CYB5R4: variants seen among roughly 807,000 people sequenced by gnomAD.
CYB5R4 encodes cytochrome b5 reductase 4.
A neutral mutation model predicts 70.2 loss-of-function variants in CYB5R4; 55 were observed. The ratio of observed to expected loss-of-function variants is 0.78; its 90% CI spans 0.63 to 0.98. CYB5R4 has a LOEUF of 0.98. Ranked by LOEUF, CYB5R4 falls within the 50% of genes least tolerant of loss-of-function variation. The pLI is 0.00. For synonymous variants in CYB5R4, 197 were observed against 199.5 expected (o/e 0.99, Z 0.11); for missense variants, 562 against 612.6 (o/e 0.92, Z 0.87).
rs374621058 is a variant in CYB5R4 at position 83,921,180 on chromosome 6, G to A, written c.658+5G>A. 1 of 1,480,626 alleles carries A rather than the reference G, an allele frequency of 6.8e-7. No homozygotes were observed. The highest frequency in any genetic ancestry group is 9.1e-7 in the Non-Finnish European group (1 of 1,097,580). 91.7% of individuals were successfully genotyped at this position (1,480,626 alleles called of 1,614,324 possible). ...GTTTATATCTTATACATATTGGTGA[G>A]TACTTTATTATTATTAATGGAAAGA... is the stretch of plus-strand genomic sequence containing the variant. On this transcript the variant is annotated splice_donor_5th_base_variant and intron_variant, in intron 8 of 15. Coordinates refer to ENST00000369681, the MANE Select transcript of CYB5R4 (RefSeq NM_016230.4).
intron 4 of CYB5R4, among the ~76,000 whole-genome samples, chr6:83,909,899 A>C (rs2099464403): frequency 6.6e-6 from 1 of 152,238 alleles, no homozygotes; most frequent in Non-Finnish European, 1.5e-5. Context: ...TGCGTTGCAC[A>C]GGACAGACCC....
In CYB5R4 at chr6:83,938,096, AATAG is replaced by A. The variant is rs3837003; in HGVS notation, c.1108+1724_1108+1727del. Among the ~76,000 whole-genome samples, 44 of 152,364 alleles carry A rather than the reference AATAG, an allele frequency of 2.9e-4. No individual in the cohort carries two copies. In the East Asian group the frequency reaches 6.9e-3, roughly 24 times the overall value. On this transcript the variant is annotated intron_variant, in intron 12 of 15. Transcript: ENST00000369681. ...TCTGCTAATTATGTCTACTTCACAT[AATAG>A]ATATGATTAGTCATCCTTGGTTACG...
At chr6:83,884,307 A>G (rs892544734) in intron 2 of CYB5R4, among the ~76,000 whole-genome samples, 3 of 152,076 alleles carry the variant, frequency 2.0e-5, no homozygotes, top group African/African-American at 2.4e-5. Flanking sequence ...GTATACTTTA[A>G]AAACACAAAT....
intron 4 of CYB5R4, chr6:83,910,245 T>G: frequency 3.9e-6 from 4 of 1,033,502 alleles, no homozygotes; most frequent in Non-Finnish European, 5.6e-6. Context: ...CAGTCAAAGT[T>G]CTTTCTTCTA....
intron 4 of CYB5R4, among the ~76,000 whole-genome samples, 194 bp from the exon 5 acceptor site, chr6:83,914,222 G>A (rs2099465130): frequency 2.0e-5 from 3 of 152,120 alleles, no homozygotes; most frequent in Non-Finnish European, 4.4e-5. Context: ...AATATGGTCT[G>A]GCAGTCTTCA....
At chr6:83,863,312 A>G (rs1306622733) in intron 1 of CYB5R4, among the ~76,000 whole-genome samples, 2 of 152,064 alleles carry the variant, frequency 1.3e-5, no homozygotes, top group Non-Finnish European at 2.9e-5. Context: ...TCTTTGCTCA[A>G]GGGCTGTATA....
At chr6:83,869,809 G>A (rs1358069886) in intron 2 of CYB5R4, among the ~76,000 whole-genome samples, 1 of 151,550 alleles carries the variant, frequency 6.6e-6, no homozygotes, top group Non-Finnish European at 1.5e-5. Context: ...GGCGACAAGG[G>A]CATAACTTCG....
At chr6:83,884,400 A>G (rs1356212067) in intron 2 of CYB5R4, among the ~76,000 whole-genome samples, 1 of 152,074 alleles carries the variant, frequency 6.6e-6, no homozygotes, top group Non-Finnish European at 1.5e-5. Context: ...AGTATCTGAT[A>G]AAAAGGATTA....
rs61756887 is a variant in CYB5R4 at position 83,931,158 on chromosome 6, A to G, written c.815-3437A>G. ...TTTCCATTGCATCCACAACTTGGCT[A>G]TAGTGATTGGCTACTAATAATTACT... is the stretch of plus-strand genomic sequence containing the variant. On this transcript the variant is annotated intron_variant, in intron 10 of 15. Transcript: ENST00000369681. 1.8e-3 allele frequency among the ~76,000 whole-genome samples: 279 copies of G among 152,338 alleles called. 1 individual carries two copies. The highest frequency in any genetic ancestry group is 6.2e-3 in the African/African-American group (259 of 41,582).
At chr6:83,927,852 T>G (rs1361258281) in intron 10 of CYB5R4, among the ~76,000 whole-genome samples, 1 of 152,092 alleles carries the variant, frequency 6.6e-6, no homozygotes, top group Admixed American at 6.6e-5. Context: ...CTGGTTCCAA[T>G]CCTTTAATCA....
chr6:83,875,377 C>T (rs530579340), intron 2 of CYB5R4, among the ~76,000 whole-genome samples: 149 of 152,244 alleles, frequency 9.8e-4, no homozygotes, highest in African/African-American at 3.3e-3. Flanking sequence ...TCCTGAGTAG[C>T]TAGGACTACA....
intron 2 of CYB5R4, among the ~76,000 whole-genome samples, chr6:83,878,446 C>T (rs1421293204): frequency 1.3e-5 from 2 of 151,922 alleles, no homozygotes; most frequent in African/African-American, 2.4e-5. Flanking sequence ...CTCCCGGGTT[C>T]ACGCCATTCT....
chr6:83,918,025 G>C lies in CYB5R4; in HGVS notation c.466G>C (p.Val156Leu), dbSNP rs376263148. The C allele has an allele frequency of 1.1e-5, 17 of 1,611,148 alleles. No individual in the cohort carries two copies. The highest frequency in any genetic ancestry group is 1.4e-5 in the Non-Finnish European group (17 of 1,177,902). Residue 156 changes from valine (V) to leucine (L), a missense_variant, in exon 6 of 16, where the codon GTG becomes CTG. By Grantham distance (32) the Val-to-Leu change is conservative. Coordinates refer to ENST00000369681, the MANE Select transcript of CYB5R4 (RefSeq NM_016230.4). ...TAAAGGCATGCTTCCCAAGAGCCAA[G>C]TGACAGATACACTTGCCAAAGAAGG... ...VLNGMLPKSQ[V>L]TDTLAKEGPS... is the part of the protein sequence containing the mutation.
At chr6:83,903,253 C>A (rs761862947) in intron 3 of CYB5R4, among the ~76,000 whole-genome samples, 19 of 151,908 alleles carry the variant, frequency 1.3e-4, no homozygotes, top group Non-Finnish European at 2.4e-4. Context: ...TTATGAAATA[C>A]TTTTTTGTGT....
rs145384128 is a variant in CYB5R4 at position 83,958,527 on chromosome 6, A to G, written c.1512-1297A>G. On this transcript the variant is annotated intron_variant, in intron 15 of 15. Coordinates refer to ENST00000369681, the MANE Select transcript of CYB5R4 (RefSeq NM_016230.4). The stretch of plus-strand genomic sequence containing the variant: ...GATAGTACAGGCAGGGAGAACTGGC[A>G]GATGCATTAGGGGTGCAGATTTATA... Among the ~76,000 whole-genome samples, 76 of 152,340 alleles carry G rather than the reference A, an allele frequency of 5.0e-4. 1 individual carries two copies. Among genetic ancestry groups the G allele is most frequent in the African/African-American group, 1.6e-3 (67 of 41,594 alleles).
rs935606027 is a variant in CYB5R4 at position 83,864,198 on chromosome 6, C to G, written c.99C>G (p.Ser33Arg). The change falls in exon 2 of 16, where the codon AGC (serine) becomes AGG (arginine). Residue 33 changes from serine to arginine, a missense_variant. Transcript: ENST00000369681. ...RSKVPLKQGR[S>R]LMDWIRLTKS... ...AGGTACCTTTAAAACAGGGCAGAAGCCTTATGGATTGGATTCGACTGACCA... is the reference window on the plus strand; with the variant it reads ...AGGTACCTTTAAAACAGGGCAGAAGGCTTATGGATTGGATTCGACTGACCA... 5 of 1,607,316 alleles carry G rather than the reference C, an allele frequency of 3.1e-6. No individual in the cohort carries two copies. In the African/African-American group the frequency reaches 5.4e-5, roughly 17 times the overall value.
rs144633969 is a variant in CYB5R4, at chr6:83,883,751, C to T, written c.230-9771C>T. Among the ~76,000 whole-genome samples, 27 of 152,084 alleles carry T rather than the reference C, an allele frequency of 1.8e-4. 1 individual carries two copies. In the East Asian group the frequency reaches 4.1e-3, roughly 23 times the overall value. ...GTAAGAGAAAATACTACTTTTTGTC[C>T]TCTTCATTTTATAAAAATACATATA... On this transcript the variant is annotated intron_variant, in intron 2 of 15. Coordinates refer to ENST00000369681, the MANE Select transcript of CYB5R4 (RefSeq NM_016230.4).
intron 10 of CYB5R4, among the ~76,000 whole-genome samples, chr6:83,926,659 G>T (rs901943913): frequency 1.3e-5 from 2 of 152,122 alleles, no homozygotes. Flanking sequence ...TTCAACATAT[G>T]TGTTTGGTGA....
At chr6:83,948,982 C>T (rs1248948052) in intron 14 of CYB5R4, among the ~76,000 whole-genome samples, 1 of 152,052 alleles carries the variant, frequency 6.6e-6, no homozygotes, top group African/African-American at 2.4e-5. Flanking sequence ...TTCTTGCTCT[C>T]CCTTGCTGGC....
Sources: allele counts gnomAD v4.1 joint callset (sites outside exome capture counted in the v4.1 genomes callset), GRCh38; gene constraint gnomAD v4.1.1; transcripts MANE v1.5; gene names NCBI Gene and HGNC (gene_info 2026-07-23, HGNC 2026-07-21).